The following CNTN1 variants were observed in gnomAD, a reference collection of about 807,000 sequenced individuals.
CNTN1 encodes contactin-1.
Under a neutral mutation model 126.4 loss-of-function variants are expected in CNTN1, and 38 were observed. The ratio of observed to expected loss-of-function variants is 0.30; its 90% CI spans 0.23 to 0.39. The LOEUF (loss-of-function observed/expected upper bound fraction) is 0.39. CNTN1 is among the 10% of genes least tolerant of loss of function. CNTN1 has a pLI of 1.00. For synonymous variants in CNTN1, 413 were observed against 422.6 expected, an observed-to-expected ratio of 0.98 and a Z score of 0.28; for missense variants, 1,009 against 1,248.4, an observed-to-expected ratio of 0.81 and a Z score of 2.89.
rs542948432 is a variant in CNTN1, at chr12:40,891,483, C to T, written c.-76-16874C>T. On this transcript the variant is annotated intron_variant, in intron 1 of 23. Coordinates refer to ENST00000551295, the MANE Select transcript of CNTN1 (RefSeq NM_001843.4). Reference sequence around the variant, plus strand: ...GAAGTTATTTCCATACCTACTTTCTCCTAGGTTACCTTGTAGGAGTTTTAT... The same window carrying T: ...GAAGTTATTTCCATACCTACTTTCTTCTAGGTTACCTTGTAGGAGTTTTAT... Among the ~76,000 whole-genome samples, 3 of 152,234 alleles carry T rather than the reference C, an allele frequency of 2.0e-5. No individual in the cohort carries two copies. The East Asian group carries it at 5.8e-4, about 29-fold the overall frequency.
chr12:40,792,035 T>G (rs1940238523), intron 1 of CNTN1, among the ~76,000 whole-genome samples: 1 of 152,106 alleles, frequency 6.6e-6, no homozygotes, highest in African/African-American at 2.4e-5. Context: ...GGAAATCAAT[T>G]TAACCTGAAG....
chr12:40,749,788 T>TTAATAA (rs1938329458), intron 1 of CNTN1, among the ~76,000 whole-genome samples: 26 of 151,842 alleles, frequency 1.7e-4, no homozygotes, highest in South Asian at 4.2e-4. Flanking sequence ...AATCTATATG[T>TTAATAA]CGTGGCAATA....
chr12:40,836,184 A>G (rs1011818303), intron 1 of CNTN1, among the ~76,000 whole-genome samples: 2 of 147,918 alleles, frequency 1.4e-5, no homozygotes, highest in Non-Finnish European at 3.0e-5. Flanking sequence ...ATGTGTATAT[A>G]TAGTATATAT....
chr12:40,763,561 C>G (rs1379955933), intron 1 of CNTN1, among the ~76,000 whole-genome samples: 2 of 151,842 alleles, frequency 1.3e-5, no homozygotes, highest in East Asian at 3.9e-4. Flanking sequence ...GTCACTGTGG[C>G]TAGTGTACAG....
intron 1 of CNTN1, among the ~76,000 whole-genome samples, chr12:40,773,183 A>C (rs1392078254): frequency 6.6e-6 from 1 of 151,772 alleles, no homozygotes; most frequent in African/African-American, 2.4e-5. Flanking sequence ...ACTCCATAAA[A>C]ATTAATACCT....
At chr12:40,880,157 A>G (rs1347478521) in intron 1 of CNTN1, among the ~76,000 whole-genome samples, 1 of 152,094 alleles carries the variant, frequency 6.6e-6, no homozygotes, top group African/African-American at 2.4e-5. Flanking sequence ...CAGATTAGCA[A>G]TAAGGAAAAG....
intron 15 of CNTN1, among the ~76,000 whole-genome samples, chr12:40,967,737 C>T (rs1209802389): frequency 6.6e-6 from 1 of 151,692 alleles, no homozygotes; most frequent in Admixed American, 6.6e-5. Context: ...CTACAAGTCT[C>T]GAAGAATATG....
chr12:40,950,246 C>T (rs901919524), intron 14 of CNTN1, among the ~76,000 whole-genome samples: 5 of 151,864 alleles, frequency 3.3e-5, no homozygotes, highest in Non-Finnish European at 7.4e-5. Context: ...GCTTGAGAAA[C>T]GTCCTCAAGA....
At chr12:41,016,397 C>A (rs1209261076) in intron 18 of CNTN1, among the ~76,000 whole-genome samples, 1 of 151,982 alleles carries the variant, frequency 6.6e-6, no homozygotes, top group Non-Finnish European at 1.5e-5. Flanking sequence ...TGGGAGGAGT[C>A]ACATAACATC....
intron 1 of CNTN1, among the ~76,000 whole-genome samples, chr12:40,708,532 T>C (rs79940656): frequency 0.012 from 1,819 of 152,216 alleles, 39 homozygotes; most frequent in African/African-American, 0.041. Context: ...TTGCCAAAGG[T>C]TGGGGTGGCT....
chr12:40,996,340 C>T (rs1034867271), intron 17 of CNTN1, among the ~76,000 whole-genome samples: 1 of 152,012 alleles, frequency 6.6e-6, no homozygotes, highest in African/African-American at 2.4e-5. Flanking sequence ...TCCATGTTGC[C>T]CAGCTGATCT....
chr12:40,720,882 T>C (rs1300620236), intron 1 of CNTN1, among the ~76,000 whole-genome samples: 4 of 151,702 alleles, frequency 2.6e-5, no homozygotes, highest in Non-Finnish European at 4.4e-5. Context: ...TGAGCTGAGA[T>C]CGCACCACTG....
intron 15 of CNTN1, among the ~76,000 whole-genome samples, chr12:40,968,143 C>A (rs561546205): frequency 6.6e-6 from 1 of 152,108 alleles, no homozygotes; most frequent in East Asian, 1.9e-4. Context: ...AGTGGAAGAA[C>A]AAGGTTTGAA....
At chr12:40,922,132 A>C in intron 4 of CNTN1, 124 bp from the exon 5 acceptor site, 1 of 786,478 alleles carries the variant, frequency 1.3e-6, no homozygotes, top group Non-Finnish European at 2.2e-6. Flanking sequence ...TACCACCTGA[A>C]TCATATTCTT....
intron 4 of CNTN1, among the ~76,000 whole-genome samples, chr12:40,920,705 G>A (rs1818094870): frequency 6.6e-6 from 1 of 152,102 alleles, no homozygotes; most frequent in African/African-American, 2.4e-5. Flanking sequence ...GCAACATCCT[G>A]AGAGGTACAA....
chr12:40,926,202 T>TAGATAGAC (rs1401167043), intron 6 of CNTN1, among the ~76,000 whole-genome samples: 1 of 151,370 alleles, frequency 6.6e-6, no homozygotes, highest in Non-Finnish European at 1.5e-5. Flanking sequence ...GATAGATAGA[T>TAGATAGAC]AGATAGATAG....
intron 1 of CNTN1, among the ~76,000 whole-genome samples, chr12:40,797,982 T>A (rs781497568): frequency 4.7e-4 from 72 of 152,056 alleles, no homozygotes; most frequent in Admixed American, 1.9e-3. Flanking sequence ...TATACCCGAG[T>A]GTAATATAAA....
intron 1 of CNTN1, among the ~76,000 whole-genome samples, chr12:40,830,715 A>G (rs1201206566): frequency 3.4e-5 from 5 of 146,796 alleles, no homozygotes; most frequent in African/African-American, 1.2e-4. Context: ...GAGCTAAAAT[A>G]TATTTGTACT....
chr12:40,761,644 T>A (rs2136417289), intron 1 of CNTN1, among the ~76,000 whole-genome samples: 1 of 152,236 alleles, frequency 6.6e-6, no homozygotes, highest in Admixed American at 6.5e-5. Context: ...TATATTTCAG[T>A]TATTTTACTT....
Sources: allele counts gnomAD v4.1 joint callset (sites outside exome capture counted in the v4.1 genomes callset), GRCh38; gene constraint gnomAD v4.1.1; transcripts MANE v1.5; gene names NCBI Gene and HGNC (gene_info 2026-07-23, HGNC 2026-07-21).